NSUN6: variants seen among roughly 807,000 people sequenced by gnomAD.
NSUN6 encodes the protein NOP2/Sun RNA methyltransferase 6.
Under a neutral mutation model 58.0 loss-of-function variants are expected in NSUN6, and 64 were observed. That is an observed-to-expected ratio of 1.10 (90% CI 0.90 to 1.36). The LOEUF is 1.36. Ranked by LOEUF, NSUN6 falls within the 40% of genes most tolerant of loss-of-function variation. The probability of loss-of-function intolerance (pLI) is 0.00; values close to 1 mark genes in which losing one functional copy is unlikely to be tolerated. For missense variants in NSUN6, 701 were observed against 550.1 expected, an observed-to-expected ratio of 1.27 and a Z score of -2.74; for synonymous variants, 231 against 193.9, an observed-to-expected ratio of 1.19 and a Z score of -1.59.
At chr10:18,548,047 T>C (rs917223524) in intron 10 of NSUN6, 65 bp downstream of exon 10, 78 of 1,503,016 alleles carry the variant, frequency 5.2e-5, no homozygotes, top group Non-Finnish European at 7.1e-5. Context: ...AACACCCTGA[T>C]TACCACAGTG....
At chr10:18,630,303 GAAAGATCCA>G (rs1203680643) in intron 3 of NSUN6, among the ~76,000 whole-genome samples, 1 of 149,128 alleles carries the variant, frequency 6.7e-6, no homozygotes, top group Non-Finnish European at 1.5e-5. Flanking sequence ...GAGAAAGCAG[GAAAGATCCA>G]AAATTGACAC....
chr10:18,604,290 C>G (rs911578274), intron 6 of NSUN6, among the ~76,000 whole-genome samples: 25 of 152,070 alleles, frequency 1.6e-4, no homozygotes, highest in African/African-American at 4.8e-4. Context: ...GTTTATACTT[C>G]AAGGATCTAA....
Position 18,548,111 on chromosome 10 carries a change from C to G in NSUN6, c.1197+1G>C. 1.2e-6 allele frequency: 2 copies of G among 1,613,594 alleles called. No homozygotes were observed. Among genetic ancestry groups the G allele is most frequent in the Non-Finnish European group, 1.7e-6 (2 of 1,179,750 alleles). ...ACAGAGAAAAATGAAATTACTCCTA[C>G]CTGGGGCTGAAGCTGAAGGCAAGGA... is the stretch of plus-strand genomic sequence containing the variant. On this transcript the variant is annotated splice_donor_variant, in intron 10 of 10. Transcript: ENST00000377304. LOFTEE classifies it high-confidence loss of function.
At chr10:18,561,647 T>C (rs1038200883) in intron 8 of NSUN6, among the ~76,000 whole-genome samples, 2 of 143,806 alleles carry the variant, frequency 1.4e-5, no homozygotes, top group African/African-American at 5.2e-5. Flanking sequence ...GAGGATGGTA[T>C]GGAAAATGGA....
At chr10:18,593,614 A>G (rs10430567) in intron 7 of NSUN6, among the ~76,000 whole-genome samples, 59,954 of 151,772 alleles carry the variant, frequency 0.4, 12,491 homozygotes, top group East Asian at 0.74. Flanking sequence ...GGAACAGAAA[A>G]CCAAACACCA....
At chr10:18,556,250 T>TAGAATGGAATGA (rs1193734543) in intron 8 of NSUN6, among the ~76,000 whole-genome samples, 4 of 146,260 alleles carry the variant, frequency 2.7e-5, no homozygotes, top group East Asian at 4.3e-4. Flanking sequence ...GGAATGCGAA[T>TAGAATGGAATGA]AGAATGGAAT....
At chr10:18,602,978 C>G (rs1471642752) in intron 6 of NSUN6, among the ~76,000 whole-genome samples, 5 of 152,122 alleles carry the variant, frequency 3.3e-5, no homozygotes, top group Non-Finnish European at 7.3e-5. Context: ...TACATAAGTC[C>G]TAGCCTATTA....
At chr10:18,584,849 C>A (rs187844127) in intron 8 of NSUN6, among the ~76,000 whole-genome samples, 2 of 150,550 alleles carry the variant, frequency 1.3e-5, no homozygotes, top group Non-Finnish European at 3.0e-5. Flanking sequence ...TAATTAGGAA[C>A]AATGGAGCCC....
chr10:18,582,200 G>A (rs2056935153), intron 8 of NSUN6, among the ~76,000 whole-genome samples: 1 of 152,144 alleles, frequency 6.6e-6, no homozygotes. Flanking sequence ...TCTTCTGGGA[G>A]ACTACCTTTC....
At chr10:18,642,815 T>C (rs1347745553) in intron 2 of NSUN6, among the ~76,000 whole-genome samples, 2 of 152,246 alleles carry the variant, frequency 1.3e-5, no homozygotes, top group Admixed American at 1.3e-4. Context: ...AAACCGTGGT[T>C]ACCCTAAATG....
intron 7 of NSUN6, among the ~76,000 whole-genome samples, chr10:18,594,431 G>GTTTT (rs76334789): frequency 6.7e-6 from 1 of 149,806 alleles, no homozygotes; most frequent in Non-Finnish European, 1.5e-5. Context: ...GACACTTTCT[G>GTTTT]TTTTTTTTTG....
intron 6 of NSUN6, among the ~76,000 whole-genome samples, chr10:18,598,977 A>G (rs1050376579): frequency 7.9e-5 from 12 of 152,198 alleles, no homozygotes; most frequent in African/African-American, 2.7e-4. Context: ...CTGATTTGTA[A>G]TAAGTGAAAA....
Position 18,648,653 on chromosome 10 carries a change from G to GAAT in NSUN6, c.76-9_76-8insATT, listed in dbSNP as rs1257662162. The GAAT allele has an allele frequency of 1.3e-6, 2 of 1,556,558 alleles. No homozygotes were observed. The highest frequency in any genetic ancestry group is 1.8e-6 in the Non-Finnish European group (2 of 1,132,564). On this transcript the variant is annotated splice_polypyrimidine_tract_variant and intron_variant, in intron 1 of 10. Transcript: ENST00000377304. The stretch of plus-strand genomic sequence containing the variant: ...ACCTAAAGCAGTCACAATCTAAAAA[G>GAAT]AAGTTCATGTTTAAATTTCCTGAGA...
chr10:18,631,205 C>G (rs1394427139), intron 3 of NSUN6, among the ~76,000 whole-genome samples: 96 of 151,866 alleles, frequency 6.3e-4, no homozygotes, highest in Non-Finnish European at 9.4e-4. Context: ...ATTCAATAAC[C>G]CTTCATGCTA....
At position 18,548,151 on chromosome 10, in the gene NSUN6, C is replaced by G; in HGVS notation, c.1158G>C (p.Trp386Cys). ...GAAGGCAAGGAAATTTTGTCAGGGC[C>G]CAGGCAACCTGTTCTTCATTTTCGG... ...TLAENEEQVAWALTKFPCLQL... is the reference protein window; with the variant it reads ...TLAENEEQVACALTKFPCLQL... The change falls in exon 10 of 11, where the codon TGG (tryptophan) becomes TGC (cysteine). Residue 386 changes from tryptophan to cysteine, a missense_variant. Physicochemically the swap from Trp to Cys is radical, Grantham distance 215. Coordinates refer to ENST00000377304, the MANE Select transcript of NSUN6 (RefSeq NM_182543.5). 2 of 1,613,780 alleles carry G rather than the reference C, an allele frequency of 1.2e-6. No individual in the cohort carries two copies. The highest frequency in any genetic ancestry group is 8.5e-7 in the Non-Finnish European group (1 of 1,179,888).
At position 18,620,094 on chromosome 10, in the gene NSUN6, T is replaced by A. The variant is rs908806232; in HGVS notation, c.312-3801A>T. Reference sequence around the variant, plus strand: ...CTAATTTTTACTAATAAAAAAAATTTTTTTTTTTTTTGAGACGGAGTCTAG... The same window carrying A: ...CTAATTTTTACTAATAAAAAAAATTATTTTTTTTTTTGAGACGGAGTCTAG... On this transcript the variant is annotated intron_variant, in intron 3 of 10. Coordinates refer to ENST00000377304, the MANE Select transcript of NSUN6 (RefSeq NM_182543.5). Among the ~76,000 whole-genome samples, 20 of 28,576 alleles carry A rather than the reference T, an allele frequency of 7.0e-4. No individual in the cohort carries two copies. In the East Asian group the frequency reaches 0.036, roughly 52 times the overall value. 18.7% of individuals were successfully genotyped at this position (28,576 alleles called of 152,430 possible). A position where few individuals can be genotyped will look rare whatever the true frequency, so the allele number is the denominator to read the frequency against.
chr10:18,547,763 A>T (rs2054369221), intron 10 of NSUN6, among the ~76,000 whole-genome samples: 1 of 151,640 alleles, frequency 6.6e-6, no homozygotes, highest in African/African-American at 2.4e-5. Context: ...GAAAATGCTC[A>T]ACATTTTCCA....
intron 3 of NSUN6, among the ~76,000 whole-genome samples, chr10:18,634,882 T>A (rs548609057): frequency 6.6e-5 from 10 of 151,480 alleles, no homozygotes; most frequent in African/African-American, 2.4e-4. Context: ...GAGACTGCGG[T>A]TCTTAGAAAG....
At chr10:18,628,133 A>C (rs10829041) in intron 3 of NSUN6, among the ~76,000 whole-genome samples, 85,549 of 151,834 alleles carry the variant, frequency 0.56, 24,622 homozygotes, top group East Asian at 0.96. Flanking sequence ...AGGCACCCCC[A>C]AGCAGGGGCA....
Sources: allele counts gnomAD v4.1 joint callset (sites outside exome capture counted in the v4.1 genomes callset), GRCh38; gene constraint gnomAD v4.1.1; transcripts MANE v1.5; gene names NCBI Gene and HGNC (gene_info 2026-07-23, HGNC 2026-07-21).